Variants in KHDRBS2 observed in about 807,000 individuals in gnomAD.
KHDRBS2 encodes KH RNA binding domain containing, signal transduction associated 2.
In KHDRBS2, 26 loss-of-function variants were observed where a neutral mutation model predicts 44.3. The observed-to-expected ratio is 0.59, with a 90% confidence interval of 0.43 to 0.81. The LOEUF is 0.81. Among genes scored for constraint, KHDRBS2 ranks in the 40% least tolerant of loss-of-function variants. KHDRBS2 has a pLI of 0.00. For synonymous variants in KHDRBS2, 194 were observed against 151.1 expected, an observed-to-expected ratio of 1.28 and a Z score of -2.08; for missense variants, 476 against 433.1, an observed-to-expected ratio of 1.10 and a Z score of -0.88.
intron 6 of KHDRBS2, among the ~76,000 whole-genome samples, chr6:61,790,447 T>A (rs1582857864): frequency 6.7e-6 from 1 of 149,596 alleles, no homozygotes; most frequent in South Asian, 2.1e-4. Context: ...AACAGCAGCC[T>A]GAACCAATAA....
intron 4 of KHDRBS2, among the ~76,000 whole-genome samples, chr6:61,905,417 ATAATGACTCAT>A (rs373849801): frequency 0.01 from 1,559 of 152,262 alleles, 27 homozygotes; most frequent in African/African-American, 0.036. Flanking sequence ...AGCTAGACGT[ATAATGACTCAT>A]TAGCCAGAGA....
At chr6:62,129,661 G>A (rs1809803753) in intron 2 of KHDRBS2, among the ~76,000 whole-genome samples, 1 of 151,992 alleles carries the variant, frequency 6.6e-6, no homozygotes, top group Non-Finnish European at 1.5e-5. Flanking sequence ...CAATAAGATG[G>A]CCACTACTCA....
intron 6 of KHDRBS2, among the ~76,000 whole-genome samples, chr6:61,778,669 C>T (rs373644507): frequency 1.3e-5 from 2 of 152,164 alleles, no homozygotes; most frequent in Admixed American, 1.3e-4. Context: ...GCCACCGTGC[C>T]GCAAGTTGCT....
the KHDRBS2 span, among the ~76,000 whole-genome samples, chr6:61,646,717 A>G: frequency 6.6e-6 from 1 of 152,078 alleles, no homozygotes; most frequent in African/African-American, 2.4e-5. Context: ...TCACTCACCT[A>G]TGTATGCAAC....
At chr6:61,729,153 A>G (rs1181464048) in intron 7 of KHDRBS2, among the ~76,000 whole-genome samples, 2 of 152,190 alleles carry the variant, frequency 1.3e-5, no homozygotes, top group Non-Finnish European at 2.9e-5. Context: ...AGCCATAAAA[A>G]AGAATGAGAT....
At chr6:61,824,776 T>C (rs1471554005) in intron 6 of KHDRBS2, among the ~76,000 whole-genome samples, 3 of 152,156 alleles carry the variant, frequency 2.0e-5, no homozygotes, top group Non-Finnish European at 4.4e-5. Context: ...TATAATATGG[T>C]CAAATTCAGT....
chr6:61,894,669 G>A lies in KHDRBS2; in HGVS notation c.776C>T (p.Pro259Leu). The A allele has an allele frequency of 6.2e-7, 1 of 1,612,818 alleles. No individual in the cohort carries two copies. Among genetic ancestry groups the A allele is most frequent in the Non-Finnish European group, 8.5e-7 (1 of 1,179,576 alleles). The part of the protein sequence containing the change: ...GAPTVPGYRA[P>L]PPPAHEAYEE... Reference sequence around the variant, plus strand: ...ATAAGCTTCATGGGCTGGAGGAGGAGGTGCCCTGTATCCTGGCACTGTTGG... The same window carrying A: ...ATAAGCTTCATGGGCTGGAGGAGGAAGTGCCCTGTATCCTGGCACTGTTGG... The change falls in exon 6 of 9, where the codon CCT becomes CTT. Residue 259 changes from proline (P) to leucine (L), a missense_variant. Coordinates refer to ENST00000281156, the MANE Select transcript of KHDRBS2 (RefSeq NM_152688.4).
At chr6:61,649,934 G>A in the KHDRBS2 span, among the ~76,000 whole-genome samples, 15 of 152,136 alleles carry the variant, frequency 9.9e-5, no homozygotes, top group South Asian at 2.3e-3. Flanking sequence ...CTTTGCTTAC[G>A]TACCTTGTAA....
At chr6:61,783,466 A>G (rs566486125) in intron 6 of KHDRBS2, among the ~76,000 whole-genome samples, 1 of 152,252 alleles carries the variant, frequency 6.6e-6, no homozygotes, top group South Asian at 2.1e-4. Flanking sequence ...TCTAGCATGT[A>G]GCAAGCACTC....
At chr6:61,719,057 G>A (rs1771914384) in intron 7 of KHDRBS2, among the ~76,000 whole-genome samples, 1 of 152,052 alleles carries the variant, frequency 6.6e-6, no homozygotes, top group South Asian at 2.1e-4. Flanking sequence ...TGCTCTCCTA[G>A]TACATTCTCC....
intron 1 of KHDRBS2, among the ~76,000 whole-genome samples, chr6:62,224,514 T>G (rs912680873): frequency 3.9e-5 from 6 of 152,198 alleles, no homozygotes; most frequent in Non-Finnish European, 7.3e-5. Flanking sequence ...CCTAATATTG[T>G]TGGAAACACT....
intron 1 of KHDRBS2, among the ~76,000 whole-genome samples, chr6:62,258,586 T>C (rs1202273726): frequency 6.6e-6 from 1 of 152,042 alleles, no homozygotes; most frequent in African/African-American, 2.4e-5. Context: ...TCAATGTACA[T>C]AAACTTTGTC....
At chr6:62,058,435 G>T (rs1790812172) in intron 2 of KHDRBS2, among the ~76,000 whole-genome samples, 2 of 151,854 alleles carry the variant, frequency 1.3e-5, no homozygotes, top group East Asian at 3.9e-4. Flanking sequence ...TAATCAGTGG[G>T]AATTCACACA....
At chr6:61,674,744 T>G in the KHDRBS2 span, among the ~76,000 whole-genome samples, 2 of 151,722 alleles carry the variant, frequency 1.3e-5, no homozygotes, top group Non-Finnish European at 3.0e-5. Flanking sequence ...GCAACAGGCC[T>G]TTTGATACTG....
rs199674906 is a variant in KHDRBS2, at chr6:61,910,458, T to C, written c.484-9087A>G. ...GTCAAAATGTTGTTGGCTTTGTATC[T>C]TAAATGGTGAGTGACTGTAAATGTC... On this transcript the variant is annotated intron_variant, in intron 4 of 8. Transcript: ENST00000281156. 3.3e-5 allele frequency among the ~76,000 whole-genome samples: 5 copies of C among 152,218 alleles called. No homozygotes were observed. In the East Asian group the frequency reaches 7.7e-4, roughly 23 times the overall value.
At chr6:61,997,441 A>G (rs1419085934) in intron 3 of KHDRBS2, among the ~76,000 whole-genome samples, 4 of 152,176 alleles carry the variant, frequency 2.6e-5, no homozygotes, top group Non-Finnish European at 5.9e-5. Context: ...ATTAGCTGTT[A>G]AAATTTTTAA....
intron 2 of KHDRBS2, among the ~76,000 whole-genome samples, chr6:62,091,453 C>T (rs1799485084): frequency 1.3e-5 from 2 of 152,060 alleles, no homozygotes; most frequent in Admixed American, 1.3e-4. Flanking sequence ...AGAAAGCTAC[C>T]AAATTAAGTT....
chr6:61,621,601 G>T, the KHDRBS2 span, among the ~76,000 whole-genome samples: 2 of 152,156 alleles, frequency 1.3e-5, no homozygotes, highest in Non-Finnish European at 2.9e-5. Flanking sequence ...AACATTGGAT[G>T]GGACATCTGG....
intron 6 of KHDRBS2, among the ~76,000 whole-genome samples, chr6:61,891,701 C>A (rs1190890609): frequency 6.6e-6 from 1 of 152,168 alleles, no homozygotes; most frequent in Non-Finnish European, 1.5e-5. Flanking sequence ...AATTCAACAA[C>A]ACTTTACGCT....
Sources: gnomAD v4.1 joint callset for allele counts (sites outside exome capture counted in the v4.1 genomes callset) on GRCh38, gnomAD v4.1.1 for gene constraint, MANE v1.5 for transcripts, NCBI Gene and HGNC (gene_info 2026-07-23, HGNC 2026-07-21) for gene names.